PRKG1: variants seen among roughly 807,000 people sequenced by gnomAD.
PRKG1 encodes the protein protein kinase cGMP-dependent 1, also known as cGMP-dependent protein kinase 1.
Under a neutral mutation model 88.1 loss-of-function variants are expected in PRKG1, and 35 were observed. The ratio of observed to expected loss-of-function variants is 0.40; its 90% CI spans 0.30 to 0.53. The LOEUF is 0.53. Ranked by LOEUF, PRKG1 falls within the 20% of genes least tolerant of loss-of-function variation. The pLI, the probability that PRKG1 is intolerant of heterozygous loss-of-function variation, is 0.59. For synonymous variants in PRKG1, 303 were observed against 292.5 expected (o/e 1.04, Z -0.37); for missense variants, 540 against 839.8 (o/e 0.64, Z 4.41).
At position 51,554,362 on chromosome 10, in the gene PRKG1, G is replaced by A. The variant is rs187044091; in HGVS notation, c.592+86526G>A. Among the ~76,000 whole-genome samples the A allele has an allele frequency of 8.4e-3, 905 of 107,586 alleles. 10 individuals carry two copies. The highest frequency in any genetic ancestry group is 0.031 in the African/African-American group (812 of 26,422). 70.6% of individuals were successfully genotyped at this position (107,586 alleles called of 152,430 possible). ...TTATATACACATATATAATATATAC[G>A]TATATACACATATATAATATATACA... On this transcript the variant is annotated intron_variant, in intron 3 of 17. Coordinates refer to ENST00000373980, the MANE Select transcript of PRKG1 (RefSeq NM_006258.4).
intron 5 of PRKG1, among the ~76,000 whole-genome samples, chr10:52,030,128 C>T (rs1191288081): frequency 5.3e-5 from 8 of 152,170 alleles, no homozygotes; most frequent in African/African-American, 1.9e-4. Context: ...TCCACAGCTA[C>T]CTTTGTAACT....
chr10:51,082,976 A>G (rs1371705522), intron 1 of PRKG1, among the ~76,000 whole-genome samples: 1 of 152,194 alleles, frequency 6.6e-6, no homozygotes, highest in Non-Finnish European at 1.5e-5. Flanking sequence ...AAGTGATTAT[A>G]ATATTCAGCC....
At chr10:52,039,530 C>T (rs944959008) in intron 5 of PRKG1, among the ~76,000 whole-genome samples, 6 of 152,062 alleles carry the variant, frequency 3.9e-5, no homozygotes, top group African/African-American at 7.2e-5. Context: ...ACAGGGGATG[C>T]GATGGCTTGG....
intron 2 of PRKG1, among the ~76,000 whole-genome samples, chr10:51,233,543 G>GTA (rs2132112847): frequency 6.6e-6 from 1 of 152,276 alleles, no homozygotes; most frequent in East Asian, 1.9e-4. Flanking sequence ...ACATGGATGT[G>GTA]TACACCAAAT....
At chr10:51,562,831 C>T (rs1287796598) in intron 3 of PRKG1, among the ~76,000 whole-genome samples, 1 of 152,100 alleles carries the variant, frequency 6.6e-6, no homozygotes, top group African/African-American at 2.4e-5. Flanking sequence ...TAGAGTGGTG[C>T]AATCTTAGCT....
intron 9 of PRKG1, among the ~76,000 whole-genome samples, chr10:52,238,367 A>G (rs1387034228): frequency 1.4e-5 from 2 of 144,270 alleles, no homozygotes; most frequent in Non-Finnish European, 3.0e-5. Flanking sequence ...AGAAACTACC[A>G]TCAGAGTGAA....
chr10:51,961,978 C>T (rs1304259649), intron 5 of PRKG1, among the ~76,000 whole-genome samples: 3 of 152,114 alleles, frequency 2.0e-5, no homozygotes, highest in South Asian at 2.1e-4. Flanking sequence ...CTAGCACCAT[C>T]GGACATCATG....
chr10:51,193,947 T>A (rs1837695563), intron 2 of PRKG1, among the ~76,000 whole-genome samples: 1 of 152,150 alleles, frequency 6.6e-6, no homozygotes, highest in Admixed American at 6.6e-5. Flanking sequence ...ACTGCAAGAC[T>A]CTTGCTGGGG....
chr10:51,818,542 A>AT (rs767945455), intron 4 of PRKG1, among the ~76,000 whole-genome samples: 1 of 152,148 alleles, frequency 6.6e-6, no homozygotes, highest in Non-Finnish European at 1.5e-5. Context: ...TTAAATAGAT[A>AT]TTTTTTGTAT....
chr10:51,581,603 A>G (rs1412663632), intron 3 of PRKG1, among the ~76,000 whole-genome samples: 1 of 152,144 alleles, frequency 6.6e-6, no homozygotes, highest in Non-Finnish European at 1.5e-5. Context: ...ATGTCCATTC[A>G]TAGGCTCTCT....
chr10:51,827,840 A>T (rs1839914097), intron 4 of PRKG1, among the ~76,000 whole-genome samples: 1 of 152,104 alleles, frequency 6.6e-6, no homozygotes, highest in African/African-American at 2.4e-5. Context: ...AAAGTTTAGG[A>T]TTATATTATC....
At chr10:51,153,091 G>A in intron 1 of PRKG1, 73 bp from the exon 2 acceptor site, 1 of 1,384,518 alleles carries the variant, frequency 7.2e-7, no homozygotes. Context: ...AGCACTCTAT[G>A]GCGCTGCTAA....
chr10:52,154,123 A>T (rs958892274), intron 8 of PRKG1, among the ~76,000 whole-genome samples: 4 of 152,142 alleles, frequency 2.6e-5, no homozygotes, highest in Admixed American at 2.0e-4. Flanking sequence ...AGTTCTATCA[A>T]TTGCTCCTGT....
intron 2 of PRKG1, among the ~76,000 whole-genome samples, chr10:51,261,497 T>C (rs1839703552): frequency 6.6e-6 from 1 of 152,056 alleles, no homozygotes; most frequent in Admixed American, 6.5e-5. Context: ...ATATAACTGT[T>C]GAAACAAAGC....
intron 2 of PRKG1, among the ~76,000 whole-genome samples, chr10:51,269,121 C>A (rs1160271550): frequency 6.6e-6 from 1 of 152,014 alleles, no homozygotes; most frequent in Non-Finnish European, 1.5e-5. Flanking sequence ...ATGAAAAAAT[C>A]CTCAACATCA....
At chr10:51,850,745 A>G (rs914174532) in intron 4 of PRKG1, among the ~76,000 whole-genome samples, 3 of 152,194 alleles carry the variant, frequency 2.0e-5, no homozygotes. Flanking sequence ...AACCTCATTC[A>G]TGATAAGAAA....
At chr10:51,193,835 C>T (rs1159135963) in intron 2 of PRKG1, among the ~76,000 whole-genome samples, 1 of 152,118 alleles carries the variant, frequency 6.6e-6, no homozygotes. Flanking sequence ...TAATTCAAGC[C>T]AGCAAATCTG....
intron 9 of PRKG1, among the ~76,000 whole-genome samples, chr10:52,169,484 C>T (rs1838595525): frequency 6.6e-6 from 1 of 152,150 alleles, no homozygotes; most frequent in African/African-American, 2.4e-5. Flanking sequence ...CAATAACCTC[C>T]CAAAGGCTCT....
At chr10:51,910,804 T>G (rs962704159) in intron 5 of PRKG1, 2 of 152,132 alleles carry the variant, frequency 1.3e-5, no homozygotes, top group African/African-American at 4.8e-5. Flanking sequence ...ACCTTGGAAT[T>G]TAAACAGGGC....
Sources: gnomAD v4.1 joint callset for allele counts (sites outside exome capture counted in the v4.1 genomes callset) on GRCh38, gnomAD v4.1.1 for gene constraint, MANE v1.5 for transcripts, NCBI Gene and HGNC (gene_info 2026-07-23, HGNC 2026-07-21) for gene names.